The following AKR1B15 variants were observed in gnomAD, a reference collection of about 807,000 sequenced individuals.
The protein encoded by AKR1B15 is estradiol 17-beta-dehydrogenase AKR1B15.
A neutral mutation model predicts 38.5 loss-of-function variants in AKR1B15; 49 were observed. That is an observed-to-expected ratio of 1.27 (90% confidence interval 1.01 to 1.62). The LOEUF is 1.62. Ranked by LOEUF, AKR1B15 falls within the 40% of genes most tolerant of loss-of-function variation. AKR1B15 has a pLI of 0.00. For synonymous variants in AKR1B15, 137 were observed against 135.5 expected, an observed-to-expected ratio of 1.01 and a Z score of -0.08; for missense variants, 411 against 381.6, an observed-to-expected ratio of 1.08 and a Z score of -0.64.
chr7:134,554,967 A>G (rs2117609940), intron 1 of AKR1B15, among the ~76,000 whole-genome samples: 1 of 152,298 alleles, frequency 6.6e-6, no homozygotes, highest in African/African-American at 2.4e-5. Flanking sequence ...CCCATCCTAA[A>G]AAGTACTCTT....
intron 11 of AKR1B15, 31 bp downstream of exon 11, chr7:134,577,817 G>A: frequency 6.2e-7 from 1 of 1,609,192 alleles, no homozygotes; most frequent in Non-Finnish European, 8.5e-7. Context: ...TAGAAGAATT[G>A]CCAGGAGTTT....
intron 1 of AKR1B15, among the ~76,000 whole-genome samples, chr7:134,550,406 T>C (rs541075399): frequency 1.3e-5 from 2 of 152,222 alleles, no homozygotes; most frequent in East Asian, 3.9e-4. Flanking sequence ...AGGACCGAGT[T>C]TGAACATTTT....
At chr7:134,560,099 C>T (rs887381520) in intron 2 of AKR1B15, among the ~76,000 whole-genome samples, 3 of 136,312 alleles carry the variant, frequency 2.2e-5, no homozygotes, top group African/African-American at 5.6e-5. Context: ...CAGAGCGAGA[C>T]TCCACCTAAG....
chr7:134,567,904 T>C (rs1794575725), intron 3 of AKR1B15, among the ~76,000 whole-genome samples: 1 of 152,160 alleles, frequency 6.6e-6, no homozygotes, highest in Non-Finnish European at 1.5e-5. Context: ...AAACTGTGTA[T>C]CCTCCCAGAT....
intron 5 of AKR1B15, among the ~76,000 whole-genome samples, chr7:134,570,947 C>G (rs74330710): frequency 2.0e-5 from 3 of 152,330 alleles, no homozygotes; most frequent in Non-Finnish European, 4.4e-5. Context: ...CCCAGGAAAC[C>G]TCTTGGGTTA....
chr7:134,577,087 G>T, intron 10 of AKR1B15, 41 bp downstream of exon 10: 1 of 1,562,506 alleles, frequency 6.4e-7, no homozygotes, highest in Non-Finnish European at 8.8e-7. Context: ...CCTCAGTGGA[G>T]TGGGGGACAG....
At chr7:134,551,106 T>C (rs1375320113) in intron 1 of AKR1B15, among the ~76,000 whole-genome samples, 1 of 152,204 alleles carries the variant, frequency 6.6e-6, no homozygotes, top group Non-Finnish European at 1.5e-5. Context: ...CGATTCCTCC[T>C]GTACTGCCTC....
chr7:134,566,383 T>G (rs1000623721), intron 3 of AKR1B15, among the ~76,000 whole-genome samples: 1 of 152,146 alleles, frequency 6.6e-6, no homozygotes, highest in Non-Finnish European at 1.5e-5. Context: ...GTTCCCTAGG[T>G]GGTTCCTGTA....
intron 1 of AKR1B15, among the ~76,000 whole-genome samples, chr7:134,550,611 C>T (rs926697676): frequency 6.6e-6 from 1 of 152,152 alleles, no homozygotes; most frequent in African/African-American, 2.4e-5. Flanking sequence ...AGCTATAATA[C>T]TTCTGTTCTT....
chr7:134,573,466 AT>A, intron 6 of AKR1B15: 1 of 985,420 alleles, frequency 1.0e-6, no homozygotes, highest in South Asian at 4.7e-5. Context: ...TAAAGAAAAC[AT>A]TTGAAAGGCA....
At chr7:134,550,942 C>T (rs1481442222) in intron 1 of AKR1B15, among the ~76,000 whole-genome samples, 2 of 152,144 alleles carry the variant, frequency 1.3e-5, no homozygotes, top group African/African-American at 2.4e-5. Flanking sequence ...TCCCGGTCAC[C>T]CCGATCAGTT....
At chr7:134,566,126 T>C (rs1794528489) in intron 3 of AKR1B15, among the ~76,000 whole-genome samples, 1 of 152,116 alleles carries the variant, frequency 6.6e-6, no homozygotes, top group Non-Finnish European at 1.5e-5. Flanking sequence ...AGACCCAATT[T>C]CTACAAATAA....
intron 2 of AKR1B15, among the ~76,000 whole-genome samples, chr7:134,562,848 TTCTTTCTTTC>T (rs1038928873): frequency 1.1e-5 from 1 of 94,084 alleles, no homozygotes; most frequent in African/African-American, 5.3e-5. Context: ...CTTTCTTTCT[TTCTTTCTTTC>T]TTTCTTTCTT....
chr7:134,574,665 G>A (rs565368345), intron 6 of AKR1B15, among the ~76,000 whole-genome samples: 1 of 152,336 alleles, frequency 6.6e-6, no homozygotes, highest in East Asian at 1.9e-4. Flanking sequence ...CTAAATACAT[G>A]TTGCATTGGA....
chr7:134,562,832 C>CTCTTTCTTTCTTTCGTTCTT (rs1284674661), intron 2 of AKR1B15, among the ~76,000 whole-genome samples: 3 of 122,600 alleles, frequency 2.4e-5, no homozygotes, highest in African/African-American at 9.6e-5. Context: ...TCCTTCCTTT[C>CTCTTTCTTTCTTTCGTTCTT]TCTTTCTTTC....
chr7:134,577,760 A>C lies in AKR1B15; in HGVS notation c.966A>C (p.Arg322Ser). 3.1e-6 allele frequency: 5 copies of C among 1,614,004 alleles called. No individual in the cohort carries two copies. The highest frequency in any genetic ancestry group is 4.2e-6 in the Non-Finnish European group (5 of 1,179,968). The change falls in exon 11 of 12, where the codon AGA becomes AGC. Residue 322 changes from arginine (R) to serine (S), a missense_variant. Coordinates refer to ENST00000457545, the MANE Select transcript of AKR1B15 (RefSeq NM_001080538.3). ...EEMATILSFN[R>S]NWRAFDFKEF... is the part of the protein sequence containing the mutation. ...TGGCAACCATACTCAGCTTCAACAG[A>C]AACTGGAGGGCCTTTGACTTCAAGG... is the stretch of plus-strand genomic sequence containing the variant.
chr7:134,564,411 G>T (rs1023498549), intron 2 of AKR1B15, among the ~76,000 whole-genome samples, 187 bp from the exon 3 acceptor site: 1 of 152,136 alleles, frequency 6.6e-6, no homozygotes, highest in African/African-American at 2.4e-5. Context: ...GGGATAATAC[G>T]AGATGCTGCC....
intron 2 of AKR1B15, among the ~76,000 whole-genome samples, chr7:134,558,960 T>C (rs536967920): frequency 1.3e-5 from 2 of 152,214 alleles, no homozygotes; most frequent in East Asian, 3.9e-4. Context: ...AGTGCTCCTA[T>C]GTACTGAGAC....
In AKR1B15 at chr7:134,551,766, A is replaced by C. The variant is rs945968915; in HGVS notation, c.-147+2517A>C. 3.3e-5 allele frequency among the ~76,000 whole-genome samples: 5 copies of C among 152,354 alleles called. No individual in the cohort carries two copies. The South Asian group carries it at 1.0e-3, about 32-fold the overall frequency. On this transcript the variant is annotated intron_variant, in intron 1 of 11. Coordinates refer to ENST00000457545, the MANE Select transcript of AKR1B15 (RefSeq NM_001080538.3). ...CCACCAGGAAGGCCAGAAACGTGAG[A>C]GGACTCCCCTATAAAGAAACCAATG...
Sources: gnomAD v4.1 joint callset for allele counts (sites outside exome capture counted in the v4.1 genomes callset) on GRCh38, gnomAD v4.1.1 for gene constraint, MANE v1.5 for transcripts, NCBI Gene and HGNC (gene_info 2026-07-23, HGNC 2026-07-21) for gene names.